SCIN: variants seen among roughly 807,000 people sequenced by gnomAD.
The protein encoded by SCIN is scinderin.
In SCIN, 91 loss-of-function variants were observed where a neutral mutation model predicts 91.8. That is an observed-to-expected ratio of 0.99 (90% CI 0.84 to 1.18). The LOEUF is 1.18. Ranked by LOEUF, SCIN falls within the 50% of genes most tolerant of loss-of-function variation. SCIN has a pLI of 0.00. For missense variants in SCIN, 1,087 were observed against 863.9 expected (o/e 1.26, Z -3.24); for synonymous variants, 367 against 312.6 (o/e 1.17, Z -1.84).
chr7:12,645,790 A>G (rs777665458), intron 13 of SCIN, among the ~76,000 whole-genome samples: 6 of 152,308 alleles, frequency 3.9e-5, no homozygotes, highest in South Asian at 2.1e-4. Context: ...GATTAATGAT[A>G]TAATTAATGT....
intron 3 of SCIN, among the ~76,000 whole-genome samples, chr7:12,581,859 C>A (rs574608067): frequency 6.6e-6 from 1 of 152,148 alleles, no homozygotes; most frequent in African/African-American, 2.4e-5. Flanking sequence ...TTTGCTAGAC[C>A]CTAGAAGGTA....
intron 4 of SCIN, among the ~76,000 whole-genome samples, chr7:12,616,758 CAG>C (rs903562445): frequency 1.4e-4 from 21 of 152,062 alleles, no homozygotes; most frequent in Non-Finnish European, 7.4e-5. Context: ...GATGGAAACA[CAG>C]AGGAGGATCA....
intron 13 of SCIN, among the ~76,000 whole-genome samples, chr7:12,646,005 T>G (rs1356104126): frequency 2.0e-5 from 3 of 152,144 alleles, no homozygotes; most frequent in Non-Finnish European, 4.4e-5. Flanking sequence ...CCCAGCGGAG[T>G]AAAAATTTTC....
intron 2 of SCIN, 23 bp downstream of exon 2, chr7:12,578,241 A>G (rs767431714): frequency 9.8e-6 from 15 of 1,537,350 alleles, no homozygotes; most frequent in Non-Finnish European, 1.3e-5. Context: ...CTCAGTTTCC[A>G]TTATGAATCC....
rs917451092 is a variant in SCIN, at chr7:12,648,049, T to G, written c.1882-1418T>G. Among the ~76,000 whole-genome samples the G allele has an allele frequency of 4.0e-5, 6 of 148,660 alleles. No homozygotes were observed. In the Admixed American group the frequency reaches 4.0e-4, roughly 10 times the overall value. ...AACTCCTGCGTAAGGATCAGGGGGG[T>G]TTTCACTCAGAATTCTCTAAAAATA... On this transcript the variant is annotated intron_variant, in intron 13 of 15. Transcript: ENST00000297029.
chr7:12,651,512 G>A lies in SCIN; in HGVS notation c.1960-329G>A, dbSNP rs1345488306. On this transcript the variant is annotated intron_variant, in intron 14 of 15. Transcript: ENST00000297029. The surrounding 1 kb of genome is among the most constrained non-coding windows in gnomAD (Gnocchi z 5.9). ...TCCTTCGACTGCTGTCACACCCTAGGGGGTGGATGAAAAAAAAAAGTCCAC... is the reference window on the plus strand; with the variant it reads ...TCCTTCGACTGCTGTCACACCCTAGAGGGTGGATGAAAAAAAAAAGTCCAC... 2.0e-5 allele frequency among the ~76,000 whole-genome samples: 3 copies of A among 151,254 alleles called. No homozygotes were observed. Among genetic ancestry groups the A allele is most frequent in the African/African-American group, 7.3e-5 (3 of 41,008 alleles).
chr7:12,644,111 A>G (rs760774869), intron 11 of SCIN, 27 bp from the exon 12 acceptor site: 1 of 1,590,882 alleles, frequency 6.3e-7, no homozygotes, highest in South Asian at 1.1e-5. Flanking sequence ...AATTTGAATC[A>G]TTGTTTTATT....
chr7:12,576,388 T>A (rs1782373171), intron 1 of SCIN, among the ~76,000 whole-genome samples: 1 of 150,732 alleles, frequency 6.6e-6, no homozygotes, highest in African/African-American at 2.4e-5. Context: ...TTGTTTCCCC[T>A]CAGAAGATAC....
chr7:12,604,596 A>G lies in SCIN; in HGVS notation c.599A>G (p.Asn200Ser), dbSNP rs771939304. 8.4e-6 allele frequency: 13 copies of G among 1,552,086 alleles called. No individual in the cohort carries two copies. The highest frequency in any genetic ancestry group is 1.7e-4 in the Middle Eastern group (1 of 6,016). ...ANQVATGIRY[N>S]ERKGRSELIV... ...CAGGTAGCTACTGGCATTCGGTACA[A>G]TGAAAGGAAAGGAAGGTCTGAACTA... Residue 200 changes from asparagine (N) to serine (S), a missense_variant, in exon 4 of 16, where the codon AAT becomes AGT. Transcript: ENST00000297029.
In SCIN at chr7:12,581,055, A is replaced by G. The variant is rs112132223; in HGVS notation, c.355-5A>G. ...TTTGTGTGTCTGTCTTCCCTCATTC[A>G]TCAGGCTGGAGGCGTGGCATCTGGA... On this transcript the variant is annotated splice_region_variant and splice_polypyrimidine_tract_variant and intron_variant, in intron 2 of 15. Transcript: ENST00000297029. 3.9e-6 allele frequency: 6 copies of G among 1,550,108 alleles called. No homozygotes were observed. The highest frequency in any genetic ancestry group is 5.2e-6 in the Non-Finnish European group (6 of 1,146,094).
rs1035618060 is a variant in SCIN at position 12,592,947 on chromosome 7, GC to G, written c.517-11564del. 1.9e-3 allele frequency among the ~76,000 whole-genome samples: 297 copies of G among 152,308 alleles called. 5 individuals are homozygous for G. Among genetic ancestry groups the G allele is most frequent in the Non-Finnish European group, 2.1e-4 (14 of 68,026 alleles). ...GGGGGCCGGGAGCCGGGGCCCAGGG[GC>G]CCTGGCCTCATCAGTCTTCAGTGGC... On this transcript the variant is annotated intron_variant, in intron 3 of 15. Coordinates refer to ENST00000297029, the MANE Select transcript of SCIN (RefSeq NM_001112706.3).
In SCIN at chr7:12,581,072, G is replaced by C; in HGVS notation, c.367G>C (p.Ala123Pro). Residue 123 changes from alanine (A) to proline (P), a missense_variant, in exon 3 of 16, where the codon GCA becomes CCA. Coordinates refer to ENST00000297029, the MANE Select transcript of SCIN (RefSeq NM_001112706.3). ...GGLKYKAGGV[A>P]SGLNHVLTND... The stretch of plus-strand genomic sequence containing the variant: ...CCTCATTCATCAGGCTGGAGGCGTG[G>C]CATCTGGATTAAATCATGTTCTTAC... The C allele has an allele frequency of 1.3e-6, 2 of 1,550,998 alleles. No homozygotes were observed. Among genetic ancestry groups the C allele is most frequent in the Non-Finnish European group, 8.7e-7 (1 of 1,146,568 alleles).
chr7:12,583,111 T>G (rs1465693092), intron 3 of SCIN, among the ~76,000 whole-genome samples: 1 of 151,656 alleles, frequency 6.6e-6, no homozygotes, highest in Admixed American at 6.6e-5. Flanking sequence ...GTATTTCTTT[T>G]CTTAAAAAAA....
chr7:12,632,515 G>A (rs1783667769), intron 9 of SCIN, among the ~76,000 whole-genome samples: 2 of 152,124 alleles, frequency 1.3e-5, no homozygotes, highest in Admixed American at 6.6e-5. Context: ...AGACCACTGG[G>A]AATGTGTTGC....
At chr7:12,580,329 A>C (rs182921223) in intron 2 of SCIN, among the ~76,000 whole-genome samples, 9 of 152,282 alleles carry the variant, frequency 5.9e-5, no homozygotes, top group African/African-American at 2.2e-4. Context: ...AAATAATATA[A>C]GAAGATGTAG....
At chr7:12,572,552 T>C (rs1782291143) in intron 1 of SCIN, among the ~76,000 whole-genome samples, 1 of 152,234 alleles carries the variant, frequency 6.6e-6, no homozygotes, top group African/African-American at 2.4e-5. Context: ...TAGACAGCAG[T>C]TAAGTTTGAC....
At chr7:12,619,259 A>C (rs1783358017) in intron 4 of SCIN, among the ~76,000 whole-genome samples, 1 of 152,150 alleles carries the variant, frequency 6.6e-6, no homozygotes, top group Non-Finnish European at 1.5e-5. Flanking sequence ...ATTTATTCTA[A>C]AGTGGCCAAA....
At chr7:12,611,542 AC>A in intron 4 of SCIN, among the ~76,000 whole-genome samples, 1 of 152,288 alleles carries the variant, frequency 6.6e-6, no homozygotes, top group African/African-American at 2.4e-5. Flanking sequence ...AAATGATACT[AC>A]AGAGAGAGGA....
chr7:12,640,337 C>T lies in SCIN; in HGVS notation c.1411-10C>T, dbSNP rs1432598071. On this transcript the variant is annotated splice_polypyrimidine_tract_variant and intron_variant, in intron 10 of 15. Coordinates refer to ENST00000297029, the MANE Select transcript of SCIN (RefSeq NM_001112706.3). Reference sequence around the variant, plus strand: ...ATTATATTTCTTTTATTCCCCCTCTCCCCCATCAGATCCGAGTCTCCCAAG... The same window carrying T: ...ATTATATTTCTTTTATTCCCCCTCTTCCCCATCAGATCCGAGTCTCCCAAG... 2 of 1,572,294 alleles carry T rather than the reference C, an allele frequency of 1.3e-6. No homozygotes were observed. Among genetic ancestry groups the T allele is most frequent in the Non-Finnish European group, 1.7e-6 (2 of 1,161,050 alleles).
Sources: gnomAD v4.1 joint callset for allele counts (sites outside exome capture counted in the v4.1 genomes callset) on GRCh38, gnomAD v4.1.1 for gene constraint, Gnocchi (gnomAD v3.1) non-coding constraint, MANE v1.5 for transcripts, NCBI Gene and HGNC (gene_info 2026-07-23, HGNC 2026-07-21) for gene names.